Variants in THTPA observed in about 807,000 individuals in gnomAD.
THTPA encodes the protein thiamine-triphosphatase.
THTPA carries 16 observed loss-of-function variants against 16.5 expected under a neutral mutation model. The ratio of observed to expected loss-of-function variants is 0.97; its 90% CI spans 0.66 to 1.47. The LOEUF (loss-of-function observed/expected upper bound fraction) is 1.47, where lower values mean the gene tolerates loss of function less well. Ranked by LOEUF, THTPA falls within the 40% of genes most tolerant of loss-of-function variation. The probability of loss-of-function intolerance (pLI) is 0.00; values close to 1 mark genes in which losing one functional copy is unlikely to be tolerated. For missense variants in THTPA, 281 were observed against 280.9 expected (o/e 1.00, Z 0.00); for synonymous variants, 110 against 115.5 (o/e 0.95, Z 0.30).
In THTPA at chr14:23,559,979, G is replaced by A. The variant is rs1251512983; in HGVS notation, c.*1139G>A. Reference sequence around the variant, plus strand: ...ATTCTGAAGAGCTGGGTGATAGGAAGGCCACCCCGAGCTGGAACTGTGTTC... The same window carrying A: ...ATTCTGAAGAGCTGGGTGATAGGAAAGCCACCCCGAGCTGGAACTGTGTTC... On this transcript the variant is annotated 3_prime_UTR_variant, in exon 2 of 2. Coordinates refer to ENST00000288014, the MANE Select transcript of THTPA (RefSeq NM_024328.6). The A allele has an allele frequency of 1.2e-6, 2 of 1,613,262 alleles. No homozygotes were observed. Among genetic ancestry groups the A allele is most frequent in the South Asian group, 1.1e-5 (1 of 90,980 alleles).
the THTPA span, among the ~76,000 whole-genome samples, chr14:23,520,267 C>T: frequency 6.6e-6 from 1 of 152,030 alleles, no homozygotes; most frequent in Admixed American, 6.5e-5. This position sits in a 1 kb window ranked among gnomAD's most constrained non-coding sequence, Gnocchi z 8.7. Flanking sequence ...ATGCCTCCAG[C>T]AGCTGCTGCT....
At chr14:23,525,924 A>C in the THTPA span, 867 of 1,466,900 alleles carry the variant, frequency 5.9e-4, 5 homozygotes, top group African/African-American at 0.012. This position sits in a 1 kb window ranked among gnomAD's most constrained non-coding sequence, Gnocchi z 5.9. Context: ...GGTGGGGTGA[A>C]GAGAGGGGCT....
chr14:23,516,235 G>A, the THTPA span, among the ~76,000 whole-genome samples: 5 of 152,318 alleles, frequency 3.3e-5, no homozygotes, highest in East Asian at 1.9e-4. Flanking sequence ...CACTTGAAAC[G>A]TTGAAAAACA....
At chr14:23,554,065 A>AG (rs34273553), upstream of THTPA, among the ~76,000 whole-genome samples, 10 of 145,052 alleles carry the variant, frequency 6.9e-5, no homozygotes, top group African/African-American at 2.4e-4. Context: ...AAAAAAAAAA[A>AG]GCAGATGCTT....
At chr14:23,553,690 C>G (rs368746508), upstream of THTPA, among the ~76,000 whole-genome samples, 2 of 150,970 alleles carry the variant, frequency 1.3e-5, no homozygotes, top group African/African-American at 2.4e-5. Context: ...ATCAGGAGAT[C>G]GAGACCATCC....
At position 23,560,194 on chromosome 14, in the gene THTPA, C is replaced by T; in HGVS notation, c.*1354C>T. ...CACACTGTCTCCCACCCACCTCCTC[C>T]ACTTAGTGGCCTTTTCTCCTGGAGT... On this transcript the variant is annotated 3_prime_UTR_variant, in exon 2 of 2. Transcript: ENST00000288014. 1.3e-6 allele frequency: 2 copies of T among 1,584,736 alleles called. No individual in the cohort carries two copies. Among genetic ancestry groups the T allele is most frequent in the African/African-American group, 1.3e-5 (1 of 74,352 alleles).
chr14:23,523,239 G>C, the THTPA span: 11 of 1,433,358 alleles, frequency 7.7e-6, no homozygotes, highest in Non-Finnish European at 1.0e-5. The surrounding 1 kb of genome is among the most constrained non-coding windows in gnomAD (Gnocchi z 4.1). Flanking sequence ...AGCGGGGGCT[G>C]AGCCAGAGCT....
chr14:23,533,902 T>C, the THTPA span: 1 of 1,538,028 alleles, frequency 6.5e-7, no homozygotes, highest in Non-Finnish European at 8.7e-7. This position sits in a 1 kb window ranked among gnomAD's most constrained non-coding sequence, Gnocchi z 4.8. Flanking sequence ...CTCAGGGTGC[T>C]TCTCTCGCAT....
At chr14:23,513,114 C>T in the THTPA span, 1 of 152,338 alleles carries the variant, frequency 6.6e-6, no homozygotes, top group Non-Finnish European at 1.5e-5. Context: ...TGCCACCCTT[C>T]CCCCATCCTC....
the THTPA span, among the ~76,000 whole-genome samples, chr14:23,547,398 G>C: frequency 6.6e-6 from 1 of 152,256 alleles, no homozygotes; most frequent in Non-Finnish European, 1.5e-5. Context: ...TCATGATTGG[G>C]AATGGGGTGG....
At chr14:23,521,951 G>A in the THTPA span, 1 of 1,535,978 alleles carries the variant, frequency 6.5e-7, no homozygotes, top group Middle Eastern at 1.7e-4. Flanking sequence ...TCCCCATCTT[G>A]GTTAATCTGT....
At chr14:23,527,754 C>T in the THTPA span, 3 of 1,536,126 alleles carry the variant, frequency 2.0e-6, no homozygotes, top group Non-Finnish European at 2.6e-6. Flanking sequence ...TATGAGCCCT[C>T]ACCTGGCTGG....
chr14:23,531,285 C>T, the THTPA span: 2 of 769,006 alleles, frequency 2.6e-6, no homozygotes, highest in Non-Finnish European at 3.6e-6. Flanking sequence ...CTTCTTTGCC[C>T]CTCCACTCAA....
At chr14:23,552,621 T>TGAGACAG (rs1040174824), upstream of THTPA, among the ~76,000 whole-genome samples, 7 of 150,624 alleles carry the variant, frequency 4.6e-5, no homozygotes, top group African/African-American at 1.7e-4. Flanking sequence ...GTTTTTTTCT[T>TGAGACAG]GAGACAGAGT....
chr14:23,522,325 C>T, the THTPA span: 2 of 1,529,654 alleles, frequency 1.3e-6, no homozygotes, highest in East Asian at 4.9e-5. Flanking sequence ...ACTGGCGGCA[C>T]AGGTAGCGAT....
At chr14:23,515,079 G>C in the THTPA span, among the ~76,000 whole-genome samples, 2 of 152,000 alleles carry the variant, frequency 1.3e-5, no homozygotes, top group African/African-American at 4.8e-5. Flanking sequence ...TGGACAACAA[G>C]AACAACAACA....
chr14:23,525,467 A>G, the THTPA span: 1 of 1,536,066 alleles, frequency 6.5e-7, no homozygotes, highest in Admixed American at 2.0e-5. This position sits in a 1 kb window ranked among gnomAD's most constrained non-coding sequence, Gnocchi z 5.9. Flanking sequence ...GAGGATAAGC[A>G]TATTGGAGAA....
chr14:23,553,738 C>CA (rs1283177775), upstream of THTPA, among the ~76,000 whole-genome samples: 2 of 146,590 alleles, frequency 1.4e-5, no homozygotes, highest in African/African-American at 2.5e-5. Flanking sequence ...ACTAAAATTA[C>CA]AAAAAATTAG....
chr14:23,523,600 C>T, the THTPA span: 4 of 1,554,774 alleles, frequency 2.6e-6, no homozygotes, highest in Non-Finnish European at 2.6e-6. This position sits in a 1 kb window ranked among gnomAD's most constrained non-coding sequence, Gnocchi z 4.1. Flanking sequence ...CACGAGCATT[C>T]TGGAACCAGA....
Sources: allele counts gnomAD v4.1 joint callset (sites outside exome capture counted in the v4.1 genomes callset), GRCh38; gene constraint gnomAD v4.1.1; non-coding constraint Gnocchi (gnomAD v3.1); transcripts MANE v1.5; gene names NCBI Gene and HGNC (gene_info 2026-07-23, HGNC 2026-07-21).